Variants in WDFY3 observed in about 807,000 individuals in gnomAD.
The protein encoded by WDFY3 is WD repeat and FYVE domain-containing protein 3.
In WDFY3, 66 loss-of-function variants were observed where a neutral mutation model predicts 409.6. That is an observed-to-expected ratio of 0.16 (90% CI 0.13 to 0.20). The LOEUF is 0.20. Among genes scored for constraint, WDFY3 ranks in the 10% least tolerant of loss-of-function variants. The pLI is 1.00. For synonymous variants in WDFY3, 1,521 were observed against 1,537.1 expected, an observed-to-expected ratio of 0.99 and a Z score of 0.25; for missense variants, 3,031 against 4,298.1, an observed-to-expected ratio of 0.71 and a Z score of 8.24.
rs1222358576 is a variant in WDFY3, at chr4:84,756,944, C to T, written c.5406G>A (p.Arg1802=). ...TTCCTACCTGGCAACCCTGCTTACT[C>T]CGGCAGCTGATGACAGGCACACTGA... The part of the protein sequence containing the change: ...LQVSVPVISC[R]SKQGCQFDLD... The change falls in exon 33 of 68, where the codon CGG becomes CGA. Residue 1802 remains arginine (R), a synonymous_variant. Coordinates refer to ENST00000295888, the MANE Select transcript of WDFY3 (RefSeq NM_014991.6). 2 of 1,613,844 alleles carry T rather than the reference C, an allele frequency of 1.2e-6. No homozygotes were observed. Among genetic ancestry groups the T allele is most frequent in the Admixed American group, 3.3e-5 (2 of 59,990 alleles).
chr4:84,855,915 T>C (rs1759700242), intron 4 of WDFY3, among the ~76,000 whole-genome samples: 1 of 152,228 alleles, frequency 6.6e-6, no homozygotes, highest in Non-Finnish European at 1.5e-5. Flanking sequence ...GGGCTTTGCC[T>C]GCCTCATGAG....
intron 30 of WDFY3, among the ~76,000 whole-genome samples, chr4:84,769,185 G>A (rs1744196318): frequency 6.6e-6 from 1 of 152,052 alleles, no homozygotes; most frequent in African/African-American, 2.4e-5. Flanking sequence ...ATCTACTTCT[G>A]GTCAAAATGC....
intron 19 of WDFY3, among the ~76,000 whole-genome samples, chr4:84,795,287 G>A (rs1440257119): frequency 1.3e-5 from 2 of 152,136 alleles, no homozygotes; most frequent in African/African-American, 4.8e-5. Context: ...TTTCATCACT[G>A]AAGGAAAACT....
chr4:84,752,237 G>A (rs1172496202), intron 35 of WDFY3, among the ~76,000 whole-genome samples: 1 of 152,126 alleles, frequency 6.6e-6, no homozygotes, highest in African/African-American at 2.4e-5. Context: ...CTGATGGCCA[G>A]GCACAGTGGC....
At chr4:84,781,579 G>C (rs575262472) in intron 25 of WDFY3, among the ~76,000 whole-genome samples, 60 of 151,852 alleles carry the variant, frequency 4.0e-4, no homozygotes, top group Middle Eastern at 6.8e-3. Context: ...TACAGTGCTG[G>C]ATTTTGAAAA....
At chr4:84,866,146 T>C (rs906019050) in intron 3 of WDFY3, among the ~76,000 whole-genome samples, 1 of 152,182 alleles carries the variant, frequency 6.6e-6, no homozygotes, top group Admixed American at 6.5e-5. Context: ...ATTACTCAGA[T>C]AATCTCAATG....
chr4:84,836,988 C>T lies in WDFY3; in HGVS notation c.517G>A (p.Ala173Thr), dbSNP rs145604577. ...LPHVPEAVGGAQNELPLAERR... is the reference protein window; with the variant it reads ...LPHVPEAVGGTQNELPLAERR... The stretch of plus-strand genomic sequence containing the variant: ...TCTGCTAGAGGTAGCTCATTCTGTG[C>T]ACCTCCAACTGCCTCAGGCACATGT... Residue 173 changes from alanine (A) to threonine (T), a missense_variant, in exon 7 of 68, where the codon GCA becomes ACA. This residue lies in a region of WDFY3 where 1,322 missense variants were observed against 1,697.9 expected (regional missense o/e 0.78). Transcript: ENST00000295888. The T allele has an allele frequency of 1.6e-4, 262 of 1,599,896 alleles. No homozygotes were observed. In the African/African-American group the frequency reaches 3.0e-3, roughly 18 times the overall value.
intron 55 of WDFY3, among the ~76,000 whole-genome samples, chr4:84,702,771 G>A (rs1201297617): frequency 6.6e-6 from 1 of 152,188 alleles, no homozygotes; most frequent in African/African-American, 2.4e-5. Flanking sequence ...CCAAAAAATA[G>A]TAGATTTTAA....
intron 6 of WDFY3, among the ~76,000 whole-genome samples, chr4:84,838,207 TAA>T (rs1271784379): frequency 6.6e-6 from 1 of 152,226 alleles, no homozygotes; most frequent in East Asian, 1.9e-4. Flanking sequence ...GTTTACTATA[TAA>T]GAGGCATAAG....
At chr4:84,928,365 T>A (rs1770287725) in intron 2 of WDFY3, among the ~76,000 whole-genome samples, 1 of 152,200 alleles carries the variant, frequency 6.6e-6, no homozygotes, top group Admixed American at 6.5e-5. Context: ...CTTCCCTGGT[T>A]CTCCAGCTTC....
intron 54 of WDFY3, among the ~76,000 whole-genome samples, chr4:84,704,917 T>C (rs1731671922): frequency 2.0e-5 from 3 of 152,242 alleles, no homozygotes; most frequent in East Asian, 1.9e-4. Flanking sequence ...TTAGGCTTTC[T>C]TTCTCCTTTG....
chr4:84,819,199 G>C (rs528963670), intron 12 of WDFY3, among the ~76,000 whole-genome samples: 1 of 151,888 alleles, frequency 6.6e-6, no homozygotes, highest in African/African-American at 2.4e-5. Context: ...TAATTCCCAG[G>C]GAGCAAGAAT....
chr4:84,828,095 GAGGAAGGGAGGA>G (rs1190771325), intron 9 of WDFY3, among the ~76,000 whole-genome samples: 9 of 143,710 alleles, frequency 6.3e-5, no homozygotes, highest in East Asian at 2.4e-4. Context: ...GGGAGGGAGG[GAGGAAGGGAGGA>G]AGGAAGGGAG....
chr4:84,828,434 AAG>A (rs1755179184), intron 9 of WDFY3, among the ~76,000 whole-genome samples: 2 of 152,232 alleles, frequency 1.3e-5, no homozygotes, highest in Non-Finnish European at 1.5e-5. Flanking sequence ...TATAATTAAG[AAG>A]AGTTTATACT....
rs1230608089 is a variant in WDFY3, at chr4:84,713,312, A to T, written c.7962-73T>A. ...GATCTAATGGGAAGCCTAAGAAAGG[A>T]CGATTCGTTTAGATTTTCATAGTTG... is the stretch of plus-strand genomic sequence containing the variant. On this transcript the variant is annotated intron_variant, in intron 50 of 67. Coordinates refer to ENST00000295888, the MANE Select transcript of WDFY3 (RefSeq NM_014991.6). The T allele has an allele frequency of 2.2e-6, 3 of 1,375,702 alleles. No individual in the cohort carries two copies. In the African/African-American group the frequency reaches 4.3e-5, roughly 20 times the overall value. The allele number at this position is 1,375,702 out of a possible 1,614,324, so 85.2% of individuals were successfully genotyped here. A position where few individuals can be genotyped will look rare whatever the true frequency, so the allele number is the denominator to read the frequency against.
intron 3 of WDFY3, among the ~76,000 whole-genome samples, chr4:84,894,320 A>G (rs928850732): frequency 5.9e-5 from 9 of 152,190 alleles, no homozygotes; most frequent in South Asian, 4.1e-4. Flanking sequence ...TGTATAAGTG[A>G]TTTGCATGAA....
chr4:84,874,947 G>T (rs904816128), intron 3 of WDFY3, among the ~76,000 whole-genome samples: 1 of 152,030 alleles, frequency 6.6e-6, no homozygotes, highest in African/African-American at 2.4e-5. Flanking sequence ...GCATGTTGCT[G>T]TACTGAATAC....
intron 13 of WDFY3, among the ~76,000 whole-genome samples, chr4:84,812,555 A>T (rs550558439): frequency 6.6e-6 from 1 of 152,310 alleles, no homozygotes; most frequent in South Asian, 2.1e-4. Context: ...ACCCTTAGAG[A>T]AGTGCCCGGC....
At chr4:84,827,949 A>C (rs1449161457) in intron 9 of WDFY3, among the ~76,000 whole-genome samples, 2 of 152,030 alleles carry the variant, frequency 1.3e-5, no homozygotes, top group Non-Finnish European at 2.9e-5. Flanking sequence ...CTACAAAAAA[A>C]ATAAATAAAA....
Sources: gnomAD v4.1 joint callset for allele counts (sites outside exome capture counted in the v4.1 genomes callset) on GRCh38, gnomAD v4.1.1 for gene constraint, gnomAD v4.1.1 regional missense constraint, MANE v1.5 for transcripts, NCBI Gene and HGNC (gene_info 2026-07-23, HGNC 2026-07-21) for gene names.